LINGO1: variants seen among roughly 807,000 people sequenced by gnomAD.
LINGO1 encodes the protein leucine rich repeat and Ig domain containing 1, also known as leucine-rich repeat and immunoglobulin-like domain-containing nogo receptor-interacting protein 1.
In LINGO1, 11 loss-of-function variants were observed where a neutral mutation model predicts 37.3. The ratio of observed to expected loss-of-function variants is 0.29; its 90% CI spans 0.19 to 0.49. The LOEUF (loss-of-function observed/expected upper bound fraction) is 0.49, where lower values mean the gene tolerates loss of function less well. Ranked by LOEUF, LINGO1 falls within the 20% of genes least tolerant of loss-of-function variation. LINGO1 has a pLI of 0.99. For synonymous variants in LINGO1, 387 were observed against 403.0 expected (o/e 0.96, Z 0.48); for missense variants, 585 against 878.2 (o/e 0.67, Z 4.22).
chr15:77,677,867 C>A (rs959420163), intron 2 of LINGO1, among the ~76,000 whole-genome samples: 2 of 152,048 alleles, frequency 1.3e-5, no homozygotes, highest in African/African-American at 4.8e-5. Flanking sequence ...GTGCTTCAAT[C>A]ACCCTCTGCC....
At chr15:77,723,889 C>T (rs1019593653) in intron 2 of LINGO1, among the ~76,000 whole-genome samples, 5 of 152,024 alleles carry the variant, frequency 3.3e-5, no homozygotes, top group African/African-American at 7.2e-5. Flanking sequence ...GGCGCGGGGG[C>T]GGGAGGCGAG....
At chr15:77,737,453 G>A (rs1164464201) in intron 1 of LINGO1, among the ~76,000 whole-genome samples, 1 of 152,010 alleles carries the variant, frequency 6.6e-6, no homozygotes, top group Non-Finnish European at 1.5e-5. Flanking sequence ...GAGGGAGGAA[G>A]GGGAGGAAGG....
chr15:77,798,326 G>C (rs984550050), intron 1 of LINGO1, among the ~76,000 whole-genome samples: 1 of 152,336 alleles, frequency 6.6e-6, no homozygotes, highest in Non-Finnish European at 1.5e-5. Context: ...AGGCCAACCC[G>C]GGCAGCCCTG....
intron 3 of LINGO1, chr15:77,647,717 C>T (rs1048064385): frequency 2.6e-6 from 1 of 386,608 alleles, no homozygotes; most frequent in Non-Finnish European, 5.1e-6. Context: ...TTGCACACCT[C>T]TGTGCTCCCC....
At chr15:77,657,717 C>T (rs971090191) in intron 3 of LINGO1, among the ~76,000 whole-genome samples, 1 of 152,138 alleles carries the variant, frequency 6.6e-6, no homozygotes, top group African/African-American at 2.4e-5. Flanking sequence ...ATCTCTCCCC[C>T]TCAACTGAAG....
chr15:77,757,001 A>C (rs967623926), intron 1 of LINGO1, among the ~76,000 whole-genome samples: 1 of 152,128 alleles, frequency 6.6e-6, no homozygotes, highest in Non-Finnish European at 1.5e-5. Context: ...CAGCCCCTAC[A>C]GTCTGGGAGA....
chr15:77,798,707 G>A (rs2076893131), intron 1 of LINGO1, among the ~76,000 whole-genome samples: 1 of 152,218 alleles, frequency 6.6e-6, no homozygotes, highest in Admixed American at 6.5e-5. Flanking sequence ...GGGTGGAGGG[G>A]GCTGCAGCCA....
intron 1 of LINGO1, among the ~76,000 whole-genome samples, chr15:77,750,132 C>T (rs566697706): frequency 3.3e-5 from 5 of 152,218 alleles, no homozygotes; most frequent in Non-Finnish European, 7.4e-5. Context: ...GCCACGTCCC[C>T]GATGCCCCCC....
At chr15:77,808,230 C>A (rs2076976077) in intron 1 of LINGO1, among the ~76,000 whole-genome samples, 1 of 152,210 alleles carries the variant, frequency 6.6e-6, no homozygotes, top group South Asian at 2.1e-4. Flanking sequence ...GCCTGCACAG[C>A]CCGGGCCCCT....
intron 3 of LINGO1, among the ~76,000 whole-genome samples, chr15:77,661,172 A>G (rs1005322947): frequency 1.3e-5 from 2 of 152,106 alleles, no homozygotes; most frequent in African/African-American, 4.8e-5. Context: ...GGTTGCAGGG[A>G]CAGTGCCTGA....
intron 2 of LINGO1, among the ~76,000 whole-genome samples, chr15:77,726,768 T>G (rs1567549648): frequency 6.6e-6 from 1 of 152,196 alleles, no homozygotes; most frequent in South Asian, 2.1e-4. Flanking sequence ...ACTTAAAACC[T>G]TCTGCTTAAC....
intron 2 of LINGO1, among the ~76,000 whole-genome samples, chr15:77,708,285 T>C (rs1656288772): frequency 6.6e-6 from 1 of 152,256 alleles, no homozygotes; most frequent in Non-Finnish European, 1.5e-5. Flanking sequence ...CAGAAAAGTT[T>C]CTGTGACACC....
intron 2 of LINGO1, among the ~76,000 whole-genome samples, chr15:77,680,221 C>T (rs2075391500): frequency 6.6e-6 from 1 of 152,176 alleles, no homozygotes. Context: ...GTTGTGTGGA[C>T]CAGAGCTCCA....
upstream of LINGO1, among the ~76,000 whole-genome samples, chr15:77,699,147 C>A (rs1279240988): frequency 2.6e-5 from 4 of 152,042 alleles, no homozygotes; most frequent in Non-Finnish European, 5.9e-5. Flanking sequence ...CCCTATCTAC[C>A]CCCAACATTA....
At chr15:77,757,957 A>C (rs2076437080) in intron 1 of LINGO1, among the ~76,000 whole-genome samples, 1 of 152,142 alleles carries the variant, frequency 6.6e-6, no homozygotes, top group Non-Finnish European at 1.5e-5. Context: ...ATATATGAAG[A>C]ACACTCATTT....
At chr15:77,755,470 T>C (rs993931046) in intron 1 of LINGO1, among the ~76,000 whole-genome samples, 2 of 152,236 alleles carry the variant, frequency 1.3e-5, no homozygotes, top group South Asian at 2.1e-4. Flanking sequence ...CATTGATTTG[T>C]GCTGTCACGC....
At chr15:77,808,368 G>A (rs952870929) in intron 1 of LINGO1, among the ~76,000 whole-genome samples, 7 of 152,168 alleles carry the variant, frequency 4.6e-5, no homozygotes, top group Admixed American at 1.3e-4. Flanking sequence ...TTCCTGTATC[G>A]GGGCAAAGGC....
chr15:77,776,464 G>A (rs916280549), intron 1 of LINGO1, among the ~76,000 whole-genome samples: 94 of 111,558 alleles, frequency 8.4e-4, no homozygotes, highest in African/African-American at 3.1e-3. Context: ...AAGGCAGGAA[G>A]GCAGGAAGGC....
rs1260457159 is a variant in LINGO1 at position 77,794,588 on chromosome 15, A to AT, written c.-343+1350dup. On this transcript the variant is annotated intron_variant, in intron 2 of 5. Transcript: ENST00000562933. The stretch of plus-strand genomic sequence containing the variant: ...CACACACACATATATATATATATAT[A>AT]TATTTTTTTTTTTTTTTGAGACGGA... Among the ~76,000 whole-genome samples the AT allele has an allele frequency of 1.9e-3, 73 of 39,446 alleles. 1 individual carries two copies. The highest frequency in any genetic ancestry group is 3.7e-3 in the African/African-American group (46 of 12,414). The allele number at this position is 39,446 out of a possible 152,430, so 25.9% of individuals were successfully genotyped here.
Sources: allele counts gnomAD v4.1 joint callset (sites outside exome capture counted in the v4.1 genomes callset), GRCh38; gene constraint gnomAD v4.1.1; transcripts MANE v1.5; gene names NCBI Gene and HGNC (gene_info 2026-07-23, HGNC 2026-07-21).